Variants in ASZ1 observed in about 807,000 individuals in gnomAD.
ASZ1 encodes ankyrin repeat, SAM and basic leucine zipper domain containing 1, also known as ankyrin repeat, SAM and basic leucine zipper domain-containing protein 1.
In ASZ1, 67 loss-of-function variants were observed where a neutral mutation model predicts 61.8. The ratio of observed to expected loss-of-function variants is 1.08; its 90% CI spans 0.89 to 1.33. The LOEUF (loss-of-function observed/expected upper bound fraction) is 1.33. Among genes scored for constraint, ASZ1 ranks in the 40% most tolerant of loss-of-function variants. The pLI is 0.00. For synonymous variants in ASZ1, 193 were observed against 192.7 expected (o/e 1.00, Z -0.01); for missense variants, 577 against 554.5 (o/e 1.04, Z -0.41).
chr7:117,370,861 G>A (rs554504333), intron 10 of ASZ1, among the ~76,000 whole-genome samples: 183 of 133,528 alleles, frequency 1.4e-3, no homozygotes, highest in Non-Finnish European at 2.2e-3. Context: ...ACAGAGTCTT[G>A]CTCTGTTGCC....
intron 4 of ASZ1, among the ~76,000 whole-genome samples, chr7:117,418,034 T>C (rs189615974): frequency 2.8e-4 from 43 of 152,358 alleles, no homozygotes; most frequent in Admixed American, 1.4e-3. Flanking sequence ...GGATATCTTC[T>C]AGTTCTTGAG....
intron 10 of ASZ1, among the ~76,000 whole-genome samples, chr7:117,377,350 G>A (rs1284122629): frequency 6.6e-6 from 1 of 151,876 alleles, no homozygotes; most frequent in East Asian, 1.9e-4. Flanking sequence ...ACAAAGTGGA[G>A]ACTCTGTCTC....
chr7:117,416,927 C>A (rs1797004543), intron 4 of ASZ1, among the ~76,000 whole-genome samples: 1 of 152,108 alleles, frequency 6.6e-6, no homozygotes, highest in Non-Finnish European at 1.5e-5. Flanking sequence ...CCAAGTAATT[C>A]AAGTGACTTA....
At chr7:117,394,075 T>C (rs1274282466) in intron 4 of ASZ1, among the ~76,000 whole-genome samples, 1 of 152,152 alleles carries the variant, frequency 6.6e-6, no homozygotes, top group Non-Finnish European at 1.5e-5. Flanking sequence ...GGAAATTTAA[T>C]ACAAATTTAT....
At chr7:117,370,849 T>TGTGTGA (rs1491399393) in intron 10 of ASZ1, among the ~76,000 whole-genome samples, 6 of 147,582 alleles carry the variant, frequency 4.1e-5, no homozygotes, top group Non-Finnish European at 9.0e-5. Context: ...TGTGTGTGTG[T>TGTGTGA]GACAGAGTCT....
chr7:117,409,462 T>TAAAAA (rs1796852969), intron 4 of ASZ1, among the ~76,000 whole-genome samples: 1 of 151,926 alleles, frequency 6.6e-6, no homozygotes, highest in Non-Finnish European at 1.5e-5. Flanking sequence ...GTCCCTTGCT[T>TAAAAA]TATTTTAAAT....
At chr7:117,379,399 T>A (rs1796209066) in intron 10 of ASZ1, among the ~76,000 whole-genome samples, 1 of 151,626 alleles carries the variant, frequency 6.6e-6, no homozygotes, top group South Asian at 2.1e-4. Flanking sequence ...TTTATTGCTC[T>A]ATAATGTATT....
intron 3 of ASZ1, among the ~76,000 whole-genome samples, chr7:117,421,891 G>A (rs1390509062): frequency 1.3e-5 from 2 of 152,124 alleles, no homozygotes; most frequent in Admixed American, 6.6e-5. Flanking sequence ...ATGTAATTTG[G>A]AGTTTAGTTT....
chr7:117,394,868 TA>T (rs1321555627), intron 4 of ASZ1, among the ~76,000 whole-genome samples: 3 of 152,240 alleles, frequency 2.0e-5, no homozygotes, highest in African/African-American at 7.2e-5. Flanking sequence ...CCTTTTTTCA[TA>T]ATTCACTGTG....
At chr7:117,366,362 AAAG>A (rs567659503) in intron 12 of ASZ1, among the ~76,000 whole-genome samples, 294 of 152,202 alleles carry the variant, frequency 1.9e-3, no homozygotes, top group African/African-American at 5.3e-3. Flanking sequence ...ATTTTGAAGA[AAAG>A]AACTTTTTTG....
intron 8 of ASZ1, among the ~76,000 whole-genome samples, chr7:117,381,324 TAAAAG>T: frequency 1.3e-5 from 2 of 152,204 alleles, no homozygotes; most frequent in South Asian, 4.1e-4. Context: ...TTGCTTACAT[TAAAAG>T]AAAAGCAGTT....
chr7:117,373,997 A>T (rs1042122623), intron 10 of ASZ1, among the ~76,000 whole-genome samples: 3 of 152,112 alleles, frequency 2.0e-5, no homozygotes, highest in Non-Finnish European at 4.4e-5. Flanking sequence ...ATGCATTTAA[A>T]TATTTAAGAG....
At position 117,427,407 on chromosome 7, in the gene ASZ1, G is replaced by C. The variant is rs761119176; in HGVS notation, c.54C>G (p.Ser18Arg). Residue 18 changes from serine (S) to arginine (R), a missense_variant, in exon 1 of 13, where the codon AGC becomes AGG. Physicochemically the swap from Ser to Arg is moderately radical, Grantham distance 110 (BLOSUM62 -1). Transcript: ENST00000284629. ...TCTCCCAGCCATCATCCTCGCTCTCGCTACTCTCGCCTCCGCCAGCCACTG... is the reference window on the plus strand; with the variant it reads ...TCTCCCAGCCATCATCCTCGCTCTCCCTACTCTCGCCTCCGCCAGCCACTG... ...GLPVAGGGES[S>R]ESEDDGWEIG... The C allele has an allele frequency of 3.7e-6, 6 of 1,614,018 alleles. No individual in the cohort carries two copies. In the Middle Eastern group the frequency reaches 4.9e-4, roughly 133 times the overall value.
chr7:117,382,372 T>C (rs555612744), intron 7 of ASZ1, among the ~76,000 whole-genome samples: 1 of 152,096 alleles, frequency 6.6e-6, no homozygotes, highest in Admixed American at 6.6e-5. Flanking sequence ...TATGCCAGTA[T>C]GTACTCCTTG....
At chr7:117,392,319 T>C (rs1796486350) in intron 4 of ASZ1, among the ~76,000 whole-genome samples, 1 of 152,188 alleles carries the variant, frequency 6.6e-6, no homozygotes, top group Non-Finnish European at 1.5e-5. Context: ...TTTACCTTCT[T>C]GGTTAGATGT....
chr7:117,376,702 G>A (rs1047729049), intron 10 of ASZ1, among the ~76,000 whole-genome samples: 1 of 152,110 alleles, frequency 6.6e-6, no homozygotes, highest in African/African-American at 2.4e-5. Flanking sequence ...GGTCGTATCA[G>A]TTGGGATAGA....
chr7:117,372,307 C>T (rs1047101270), intron 10 of ASZ1, among the ~76,000 whole-genome samples: 1 of 152,184 alleles, frequency 6.6e-6, no homozygotes, highest in Non-Finnish European at 1.5e-5. Flanking sequence ...GGCCTGACCA[C>T]ATGACTTGCT....
intron 4 of ASZ1, 148 bp downstream of exon 4, chr7:117,420,015 T>C (rs1278368090): frequency 3.7e-6 from 2 of 544,912 alleles, no homozygotes; most frequent in Non-Finnish European, 6.4e-6. Context: ...CCTCTGATAA[T>C]CTTATAGAAT....
intron 7 of ASZ1, 120 bp from the exon 8 acceptor site, chr7:117,382,264 A>AT: frequency 1.5e-6 from 1 of 667,250 alleles, no homozygotes; most frequent in Non-Finnish European, 2.6e-6. Context: ...TATATTTGCA[A>AT]TCTGCACACC....
Sources: gnomAD v4.1 joint callset for allele counts (sites outside exome capture counted in the v4.1 genomes callset) on GRCh38, gnomAD v4.1.1 for gene constraint, MANE v1.5 for transcripts, NCBI Gene and HGNC (gene_info 2026-07-23, HGNC 2026-07-21) for gene names.